PTPRN2: variants seen among roughly 807,000 people sequenced by gnomAD.
PTPRN2 encodes protein tyrosine phosphatase receptor type N2.
Under a neutral mutation model 118.8 loss-of-function variants are expected in PTPRN2, and 74 were observed. The ratio of observed to expected loss-of-function variants is 0.62; its 90% CI spans 0.52 to 0.76. The LOEUF (loss-of-function observed/expected upper bound fraction) is 0.76. PTPRN2 is among the 30% of genes least tolerant of loss of function. PTPRN2 has a pLI of 0.00. For missense variants in PTPRN2, 1,481 were observed against 1,394.4 expected, an observed-to-expected ratio of 1.06 and a Z score of -0.99; for synonymous variants, 641 against 608.0, an observed-to-expected ratio of 1.05 and a Z score of -0.80.
chr7:158,160,495 T>C (rs1402697478), intron 6 of PTPRN2, among the ~76,000 whole-genome samples: 1 of 152,192 alleles, frequency 6.6e-6, no homozygotes, highest in Non-Finnish European at 1.5e-5. Context: ...CTTCCCTGGT[T>C]CTCAATGCAA....
Position 157,610,535 on chromosome 7 carries a change from C to T in PTPRN2, c.2345-6460G>A, listed in dbSNP as rs954827612. 3.9e-5 allele frequency among the ~76,000 whole-genome samples: 6 copies of T among 152,188 alleles called. No individual in the cohort carries two copies. Among genetic ancestry groups the T allele is most frequent in the Non-Finnish European group, 7.3e-5 (5 of 68,048 alleles). On this transcript the variant is annotated intron_variant, in intron 15 of 22. Transcript: ENST00000389418. This position sits in a 1 kb window ranked among gnomAD's most constrained non-coding sequence, Gnocchi z 5.1. Reference sequence around the variant, plus strand: ...CCTGCTCCGAGTTTATGGTGTCCATCGAGGTCTGAGGGCTGCAAAGGCACA... The same window carrying T: ...CCTGCTCCGAGTTTATGGTGTCCATTGAGGTCTGAGGGCTGCAAAGGCACA...
intron 12 of PTPRN2, among the ~76,000 whole-genome samples, chr7:157,866,838 C>CG (rs1186750670): frequency 8.0e-6 from 1 of 125,592 alleles, no homozygotes; most frequent in African/African-American, 3.0e-5. Flanking sequence ...CCGCCCCCCC[C>CG]CGACGCCCTG....
rs796716037 is a variant in PTPRN2 at position 157,801,340 on chromosome 7, CG to C, written c.1788+97332del. 1.3e-4 allele frequency among the ~76,000 whole-genome samples: 20 copies of C among 152,304 alleles called. No individual in the cohort carries two copies. The highest frequency in any genetic ancestry group is 4.1e-4 in the African/African-American group (17 of 41,572). On this transcript the variant is annotated intron_variant, in intron 12 of 22. Transcript: ENST00000389418. This position sits in a 1 kb window ranked among gnomAD's most constrained non-coding sequence, Gnocchi z 4.2. ...GAGGCAGGATGAACGGCCTCATCCA[CG>C]GAGCACTGCTTTGCCGTCTCCAGAA...
At chr7:157,772,696 C>T (rs988553299) in intron 12 of PTPRN2, among the ~76,000 whole-genome samples, 11 of 152,252 alleles carry the variant, frequency 7.2e-5, no homozygotes, top group Non-Finnish European at 1.6e-4. Flanking sequence ...CATTGGGTCT[C>T]AGCGTTGGGT....
intron 12 of PTPRN2, among the ~76,000 whole-genome samples, chr7:157,684,447 G>T (rs1797068634): frequency 6.8e-6 from 1 of 146,884 alleles, no homozygotes; most frequent in East Asian, 2.1e-4. Context: ...TGAGCAGGGA[G>T]CCGGGAGAGG....
chr7:157,926,378 G>A (rs1266189214), intron 11 of PTPRN2, among the ~76,000 whole-genome samples: 1 of 152,224 alleles, frequency 6.6e-6, no homozygotes, highest in Non-Finnish European at 1.5e-5. Context: ...GGAAGCTGAG[G>A]ATGAAAATCC....
chr7:158,456,540 G>A (rs1265818615), intron 2 of PTPRN2, among the ~76,000 whole-genome samples: 3 of 150,272 alleles, frequency 2.0e-5, no homozygotes, highest in African/African-American at 7.4e-5. Context: ...CCATCGCTCT[G>A]CGGAGAACAT....
At chr7:157,650,182 G>A (rs941281804) in intron 14 of PTPRN2, among the ~76,000 whole-genome samples, 5 of 152,126 alleles carry the variant, frequency 3.3e-5, no homozygotes, top group East Asian at 1.9e-4. Flanking sequence ...GTTTAATGCC[G>A]TCTCTGGTCA....
intron 3 of PTPRN2, among the ~76,000 whole-genome samples, chr7:158,264,571 G>T (rs1055059652): frequency 4.6e-5 from 7 of 152,130 alleles, no homozygotes; most frequent in Non-Finnish European, 7.3e-5. Flanking sequence ...TGACAGTGGG[G>T]ACCATCGAGA....
rs1484821523 is a variant in PTPRN2 at position 157,603,243 on chromosome 7, C to G, written c.2418+759G>C. 3.9e-5 allele frequency among the ~76,000 whole-genome samples: 6 copies of G among 152,160 alleles called. No individual in the cohort carries two copies. The highest frequency in any genetic ancestry group is 7.4e-5 in the Non-Finnish European group (5 of 68,026). On this transcript the variant is annotated intron_variant, in intron 16 of 22. Coordinates refer to ENST00000389418, the MANE Select transcript of PTPRN2 (RefSeq NM_002847.5). The surrounding 1 kb of genome is among the most constrained non-coding windows in gnomAD (Gnocchi z 5.4). The stretch of plus-strand genomic sequence containing the variant: ...CTCTCCATGCTCATATCTCTCCCTC[C>G]TCTGCTCACTCTGGGAGGGCTGCAA...
chr7:158,143,440 A>G (rs1426498200), intron 6 of PTPRN2, among the ~76,000 whole-genome samples: 1 of 152,140 alleles, frequency 6.6e-6, no homozygotes, highest in Non-Finnish European at 1.5e-5. Context: ...TTAGGAGGCG[A>G]GGGATGTCTC....
intron 10 of PTPRN2, among the ~76,000 whole-genome samples, chr7:158,085,997 G>A (rs1010775352): frequency 1.2e-4 from 19 of 152,160 alleles, no homozygotes; most frequent in Admixed American, 2.6e-4. Context: ...TGTTTTCTCC[G>A]TCAGGCACAT....
chr7:157,900,925 GT>G (rs1797400080), intron 11 of PTPRN2, among the ~76,000 whole-genome samples: 1 of 152,224 alleles, frequency 6.6e-6, no homozygotes. Flanking sequence ...TTGTGTTGCT[GT>G]AAAGGAACAC....
chr7:158,268,710 A>G (rs1391511739), intron 3 of PTPRN2, among the ~76,000 whole-genome samples: 2 of 110,960 alleles, frequency 1.8e-5, no homozygotes, highest in Non-Finnish European at 3.6e-5. Context: ...ATCCCAGCCC[A>G]GCCGCACACA....
At chr7:157,862,703 G>A (rs1319259955) in intron 12 of PTPRN2, 2 of 151,820 alleles carry the variant, frequency 1.3e-5, no homozygotes, top group African/African-American at 4.9e-5. Context: ...AAACGCTTAT[G>A]GGATGAATGG....
intron 11 of PTPRN2, among the ~76,000 whole-genome samples, chr7:158,061,371 C>A (rs967058766): frequency 3.3e-5 from 5 of 152,222 alleles, no homozygotes; most frequent in African/African-American, 9.6e-5. Flanking sequence ...GCCCCGCAAC[C>A]CACCTGCTCC....
At position 158,434,283 on chromosome 7, in the gene PTPRN2, C is replaced by T. The variant is rs969605003; in HGVS notation, c.163+55452G>A. Among the ~76,000 whole-genome samples the T allele has an allele frequency of 5.9e-5, 9 of 152,282 alleles. 1 individual carries two copies. In the East Asian group the frequency reaches 1.5e-3, roughly 26 times the overall value. On this transcript the variant is annotated intron_variant, in intron 2 of 22. Transcript: ENST00000389418. ...AGGACACACACACCAATAATAAAAA[C>T]AAACATGCATAAAAATGTGCATTAT...
chr7:157,604,783 C>CG (rs893006826), intron 15 of PTPRN2, among the ~76,000 whole-genome samples: 3 of 152,296 alleles, frequency 2.0e-5, no homozygotes, highest in Non-Finnish European at 4.4e-5. Flanking sequence ...CCGGGCGCAG[C>CG]GGGGGGACAG....
At chr7:158,131,058 C>T (rs1261774819) in intron 9 of PTPRN2, among the ~76,000 whole-genome samples, 1 of 120,180 alleles carries the variant, frequency 8.3e-6, no homozygotes, top group Non-Finnish European at 1.7e-5. Flanking sequence ...ATACAGACAC[C>T]TGCCCAACAC....
Sources: gnomAD v4.1 joint callset for allele counts (sites outside exome capture counted in the v4.1 genomes callset) on GRCh38, gnomAD v4.1.1 for gene constraint, Gnocchi (gnomAD v3.1) non-coding constraint, MANE v1.5 for transcripts, NCBI Gene and HGNC (gene_info 2026-07-23, HGNC 2026-07-21) for gene names.